SLC35F3: variants seen among roughly 807,000 people sequenced by gnomAD.
SLC35F3 encodes solute carrier family 35 member F3.
SLC35F3 carries 25 observed loss-of-function variants against 49.9 expected under a neutral mutation model. The ratio of observed to expected loss-of-function variants is 0.50; its 90% CI spans 0.37 to 0.70. The LOEUF is 0.70. Ranked by LOEUF, SLC35F3 falls within the 30% of genes least tolerant of loss-of-function variation. The pLI, the probability that SLC35F3 is intolerant of heterozygous loss-of-function variation, is 0.00. For missense variants in SLC35F3, 525 were observed against 639.8 expected, an observed-to-expected ratio of 0.82 and a Z score of 1.94; for synonymous variants, 275 against 265.4, an observed-to-expected ratio of 1.04 and a Z score of -0.35.
intron 2 of SLC35F3, among the ~76,000 whole-genome samples, chr1:234,108,713 A>G (rs1445259552): frequency 2.7e-5 from 2 of 72,918 alleles, no homozygotes; most frequent in African/African-American, 1.0e-4. Flanking sequence ...TATATATATA[A>G]AAGATATATA....
intron 3 of SLC35F3, among the ~76,000 whole-genome samples, chr1:234,304,638 A>G (rs1657088179): frequency 1.3e-5 from 2 of 152,186 alleles, no homozygotes; most frequent in African/African-American, 2.4e-5. Context: ...ATGAGGACTT[A>G]TCCAGTCAGC....
At chr1:233,911,576 C>A (rs1661875078) in intron 2 of SLC35F3, among the ~76,000 whole-genome samples, 1 of 152,168 alleles carries the variant, frequency 6.6e-6, no homozygotes, top group Non-Finnish European at 1.5e-5. Context: ...AACGAGGTGA[C>A]CCCAGCTCAC....
intron 3 of SLC35F3, among the ~76,000 whole-genome samples, chr1:234,305,440 T>C (rs1023203461): frequency 6.6e-6 from 1 of 150,504 alleles, no homozygotes; most frequent in Non-Finnish European, 1.5e-5. Flanking sequence ...TAGAATGCAG[T>C]GGCACCACCT....
At chr1:233,954,285 C>T (rs533354610) in intron 2 of SLC35F3, among the ~76,000 whole-genome samples, 16 of 152,110 alleles carry the variant, frequency 1.1e-4, no homozygotes, top group African/African-American at 3.1e-4. Context: ...GGATTACAGG[C>T]GTGAGCCACT....
At chr1:234,135,900 C>G (rs1000594872) in intron 2 of SLC35F3, among the ~76,000 whole-genome samples, 12 of 152,236 alleles carry the variant, frequency 7.9e-5, no homozygotes, top group African/African-American at 2.4e-4. Context: ...GCAAGCAAGC[C>G]TTTTTAAGGA....
At chr1:234,203,307 C>T (rs1666926937) in intron 2 of SLC35F3, among the ~76,000 whole-genome samples, 1 of 152,136 alleles carries the variant, frequency 6.6e-6, no homozygotes, top group Non-Finnish European at 1.5e-5. Flanking sequence ...TGAAAAGTTT[C>T]CTTCTTCTCT....
At chr1:234,048,766 G>A (rs1003209903) in intron 2 of SLC35F3, among the ~76,000 whole-genome samples, 1 of 151,638 alleles carries the variant, frequency 6.6e-6, no homozygotes, top group African/African-American at 2.4e-5. Context: ...CAGAAGGTAA[G>A]GTAGAGCCCA....
rs771942539 is a variant in SLC35F3, at chr1:234,236,508, G to A, written c.608+4767G>A. Among the ~76,000 whole-genome samples the A allele has an allele frequency of 5.3e-5, 8 of 152,184 alleles. 1 individual carries two copies. The highest frequency in any genetic ancestry group is 2.6e-4 in the Admixed American group (4 of 15,302). ...ACAAGCAGATGGTTCTCTAGGTGCC[G>A]AAGGAGAAGGTCAAGAACATTCTAA... On this transcript the variant is annotated intron_variant, in intron 3 of 7. Transcript: ENST00000366618.
chr1:233,962,706 CG>C (rs1371225231), intron 2 of SLC35F3, among the ~76,000 whole-genome samples: 1 of 152,072 alleles, frequency 6.6e-6, no homozygotes, highest in Non-Finnish European at 1.5e-5. Context: ...CTAAAGGAGA[CG>C]GTACTGATAA....
intron 2 of SLC35F3, among the ~76,000 whole-genome samples, chr1:234,170,182 T>G (rs934525514): frequency 1.3e-5 from 2 of 152,212 alleles, no homozygotes; most frequent in Non-Finnish European, 1.5e-5. Context: ...TGAAGTCCCT[T>G]GTGCTGGCAC....
intron 2 of SLC35F3, among the ~76,000 whole-genome samples, chr1:234,190,050 A>G (rs1369023094): frequency 1.3e-5 from 2 of 152,228 alleles, no homozygotes; most frequent in East Asian, 1.9e-4. Context: ...CAGCACTACA[A>G]GAACTGCTAA....
At chr1:234,052,259 G>A (rs554089280) in intron 2 of SLC35F3, among the ~76,000 whole-genome samples, 14 of 152,272 alleles carry the variant, frequency 9.2e-5, no homozygotes, top group Admixed American at 7.2e-4. Flanking sequence ...CTGTGAATCC[G>A]TCTGGTCCTG....
chr1:233,971,528 C>T lies in SLC35F3; in HGVS notation c.283+65770C>T, dbSNP rs138116074. Among the ~76,000 whole-genome samples, 927 of 152,190 alleles carry T rather than the reference C, an allele frequency of 6.1e-3. 28 individuals are homozygous for T. The highest frequency in any genetic ancestry group is 0.05 in the Admixed American group (768 of 15,286). ...CAAGGTCAGGAGTTCAAGACCAGCCCAGCCAACATGGTGAAACCCTGTCTT... is the reference window on the plus strand; with the variant it reads ...CAAGGTCAGGAGTTCAAGACCAGCCTAGCCAACATGGTGAAACCCTGTCTT... On this transcript the variant is annotated intron_variant, in intron 2 of 7. Coordinates refer to ENST00000366618, the MANE Select transcript of SLC35F3 (RefSeq NM_173508.4).
chr1:234,264,556 C>T (rs74615897), intron 3 of SLC35F3, among the ~76,000 whole-genome samples: 23,310 of 152,056 alleles, frequency 0.15, 2,317 homozygotes, highest in South Asian at 0.21. Context: ...TTTATTTTTT[C>T]ATCTCGTTGA....
intron 3 of SLC35F3, among the ~76,000 whole-genome samples, chr1:234,237,725 C>T (rs1667497501): frequency 6.6e-6 from 1 of 152,192 alleles, no homozygotes; most frequent in Admixed American, 6.5e-5. Flanking sequence ...CAAAATCTTT[C>T]CAGCACCTTC....
chr1:234,246,415 G>C (rs1378932800), intron 3 of SLC35F3, among the ~76,000 whole-genome samples: 2 of 152,166 alleles, frequency 1.3e-5, no homozygotes, highest in Non-Finnish European at 2.9e-5. Context: ...TGAGAAGCAG[G>C]GCCTGTATCA....
intron 2 of SLC35F3, among the ~76,000 whole-genome samples, chr1:234,163,371 C>A (rs1052083866): frequency 1.3e-5 from 2 of 152,094 alleles, no homozygotes; most frequent in Non-Finnish European, 2.9e-5. Flanking sequence ...ATAGGTGGCA[C>A]AGGGAAAGAG....
chr1:234,285,824 A>G (rs147746207), intron 3 of SLC35F3, among the ~76,000 whole-genome samples: 80 of 152,292 alleles, frequency 5.3e-4, no homozygotes, highest in African/African-American at 1.8e-3. Flanking sequence ...ACTCCAGCAA[A>G]GCAGCTGATC....
chr1:234,288,227 C>T (rs1668453891), intron 3 of SLC35F3, among the ~76,000 whole-genome samples: 1 of 152,148 alleles, frequency 6.6e-6, no homozygotes, highest in South Asian at 2.1e-4. Flanking sequence ...TCAAGTGCAG[C>T]AACTACACCA....
Sources: allele counts gnomAD v4.1 joint callset (sites outside exome capture counted in the v4.1 genomes callset), GRCh38; gene constraint gnomAD v4.1.1; transcripts MANE v1.5; gene names NCBI Gene and HGNC (gene_info 2026-07-23, HGNC 2026-07-21).